Variants in PELI2 observed in about 807,000 individuals in gnomAD.
The protein encoded by PELI2 is E3 ubiquitin-protein ligase pellino homolog 2.
Under a neutral mutation model 42.3 loss-of-function variants are expected in PELI2, and 23 were observed. The observed-to-expected ratio is 0.54, with a 90% confidence interval of 0.39 to 0.77. The LOEUF (loss-of-function observed/expected upper bound fraction) is 0.77, where lower values mean the gene tolerates loss of function less well. Ranked by LOEUF, PELI2 falls within the 30% of genes least tolerant of loss-of-function variation. PELI2 has a pLI of 0.00. For missense variants in PELI2, 463 were observed against 553.2 expected, an observed-to-expected ratio of 0.84 and a Z score of 1.64; for synonymous variants, 245 against 212.2, an observed-to-expected ratio of 1.15 and a Z score of -1.34.
At chr14:56,196,697 A>G (rs1594629263) in intron 2 of PELI2, among the ~76,000 whole-genome samples, 1 of 152,228 alleles carries the variant, frequency 6.6e-6, no homozygotes, top group East Asian at 1.9e-4. Flanking sequence ...TTTTGCCGAT[A>G]TGGTGTGTTA....
chr14:56,297,451 T>A lies in PELI2; in HGVS notation c.*285T>A. On this transcript the variant is annotated 3_prime_UTR_variant, in exon 6 of 6. Transcript: ENST00000267460. Reference sequence around the variant, plus strand: ...CTATGCTTCTATTTTTAACCTTGGGTTTTTAACCAAGTTTTTTTTTTTTTG... The same window carrying A: ...CTATGCTTCTATTTTTAACCTTGGGATTTTAACCAAGTTTTTTTTTTTTTG... The A allele has an allele frequency of 6.7e-6, 2 of 298,520 alleles. No homozygotes were observed. The highest frequency in any genetic ancestry group is 6.0e-6 in the Non-Finnish European group (1 of 166,618). The allele number at this position is 298,520 out of a possible 1,614,324, so 18.5% of individuals were successfully genotyped here.
intron 2 of PELI2, among the ~76,000 whole-genome samples, chr14:56,268,143 A>G (rs1382942011): frequency 6.6e-6 from 1 of 152,220 alleles, no homozygotes; most frequent in Non-Finnish European, 1.5e-5. Context: ...GAAACAAGTT[A>G]TGTACCTTGT....
At chr14:56,170,961 G>T (rs536969698) in intron 1 of PELI2, among the ~76,000 whole-genome samples, 93 of 152,340 alleles carry the variant, frequency 6.1e-4, no homozygotes, top group South Asian at 2.1e-4. Flanking sequence ...TGCAGCAGCT[G>T]AAACAGGTGT....
At chr14:56,124,906 G>C (rs1448520158) in intron 1 of PELI2, among the ~76,000 whole-genome samples, 2 of 152,232 alleles carry the variant, frequency 1.3e-5, no homozygotes. Flanking sequence ...CATTGTGAGG[G>C]ATGATGATGG....
intron 1 of PELI2, among the ~76,000 whole-genome samples, chr14:56,161,575 G>A (rs1210780350): frequency 6.6e-6 from 1 of 152,118 alleles, no homozygotes; most frequent in East Asian, 1.9e-4. Context: ...GCCTGGCTGG[G>A]TCTTTCATAT....
intron 2 of PELI2, among the ~76,000 whole-genome samples, chr14:56,244,530 A>G (rs180676272): frequency 2.5e-4 from 38 of 152,290 alleles, no homozygotes; most frequent in African/African-American, 9.1e-4. Context: ...CTGATAATGA[A>G]CAAAAGGTTC....
intron 1 of PELI2, among the ~76,000 whole-genome samples, chr14:56,138,711 A>G (rs1309639434): frequency 6.6e-6 from 1 of 152,226 alleles, no homozygotes; most frequent in Non-Finnish European, 1.5e-5. Context: ...ATTCCATTTC[A>G]GACTATAACT....
In PELI2 at chr14:56,297,301, G is replaced by A. The variant is rs72720081; in HGVS notation, c.*135G>A. 0.014 allele frequency: 8,743 copies of A among 637,184 alleles called. 82 individuals carry two copies. Among genetic ancestry groups the A allele is most frequent in the Non-Finnish European group, 0.017 (6,297 of 364,228 alleles). 39.5% of individuals were successfully genotyped at this position (637,184 alleles called of 1,614,324 possible). A position where few individuals can be genotyped will look rare whatever the true frequency, so the allele number is the denominator to read the frequency against. On this transcript the variant is annotated 3_prime_UTR_variant, in exon 6 of 6. Transcript: ENST00000267460. Reference sequence around the variant, plus strand: ...GGCTGGAAATAAAGAGAGGGGACATGGTGATGAAACATGGCAGGAGTGTAA... The same window carrying A: ...GGCTGGAAATAAAGAGAGGGGACATAGTGATGAAACATGGCAGGAGTGTAA...
intron 1 of PELI2, among the ~76,000 whole-genome samples, chr14:56,139,520 C>T (rs2139600921): frequency 6.6e-6 from 1 of 151,966 alleles, no homozygotes; most frequent in African/African-American, 2.4e-5. Context: ...TTTACTTTTC[C>T]TTTTCATTCT....
intron 2 of PELI2, among the ~76,000 whole-genome samples, chr14:56,205,189 A>G (rs1886473905): frequency 6.6e-6 from 1 of 152,086 alleles, no homozygotes; most frequent in Admixed American, 6.5e-5. Flanking sequence ...TAGAACATGG[A>G]GCGCTGGAGA....
At chr14:56,257,898 G>A (rs933565169) in intron 2 of PELI2, among the ~76,000 whole-genome samples, 1 of 152,158 alleles carries the variant, frequency 6.6e-6, no homozygotes, top group African/African-American at 2.4e-5. Context: ...GAGATGAGGG[G>A]GCTTCATAGA....
intron 1 of PELI2, among the ~76,000 whole-genome samples, chr14:56,130,306 CTG>C (rs1883437974): frequency 6.6e-6 from 1 of 152,178 alleles, no homozygotes; most frequent in Non-Finnish European, 1.5e-5. Flanking sequence ...ATGCATGAAA[CTG>C]AGTCGTGATG....
chr14:56,144,525 A>G (rs1033476873), intron 1 of PELI2, among the ~76,000 whole-genome samples: 2 of 152,238 alleles, frequency 1.3e-5, no homozygotes, highest in African/African-American at 4.8e-5. Flanking sequence ...CTTTAATAAC[A>G]TCTACAAGAT....
intron 1 of PELI2, chr14:56,119,892 G>T: frequency 2.1e-6 from 2 of 973,244 alleles, no homozygotes; most frequent in Non-Finnish European, 2.4e-6. Context: ...GAGGAGTCAT[G>T]GCTGTGGGAA....
At chr14:56,192,868 A>G (rs111310242) in intron 2 of PELI2, among the ~76,000 whole-genome samples, 1 of 152,218 alleles carries the variant, frequency 6.6e-6, no homozygotes, top group African/African-American at 2.4e-5. Context: ...ATTATAGTAC[A>G]TCTTTTCTTC....
intron 2 of PELI2, among the ~76,000 whole-genome samples, chr14:56,256,322 G>C (rs138855960): frequency 6.5e-4 from 99 of 152,170 alleles, no homozygotes; most frequent in Non-Finnish European, 1.0e-3. Context: ...TGTAGTCCCA[G>C]CTACTCTGGA....
intron 2 of PELI2, among the ~76,000 whole-genome samples, chr14:56,247,525 G>C (rs556432613): frequency 6.6e-6 from 1 of 152,106 alleles, no homozygotes; most frequent in Non-Finnish European, 1.5e-5. Context: ...GTTACATTTG[G>C]CCTGTTTTTA....
intron 2 of PELI2, among the ~76,000 whole-genome samples, chr14:56,257,733 A>G (rs1241303986): frequency 6.6e-6 from 1 of 152,224 alleles, no homozygotes; most frequent in African/African-American, 2.4e-5. Context: ...GAGAAGGGAA[A>G]TAAGTGAGGT....
chr14:56,300,310 A>G lies in PELI2; in HGVS notation c.*3144A>G, dbSNP rs2139919889. On this transcript the variant is annotated 3_prime_UTR_variant, in exon 6 of 6. Transcript: ENST00000267460. ...GAGACTAATGAATCTGGATGCAGAA[A>G]TATGTCAGAAACTGGCATAAACATG... 1 of 152,782 alleles carries G rather than the reference A, an allele frequency of 6.5e-6. No individual in the cohort carries two copies. The highest frequency in any genetic ancestry group is 2.1e-4 in the South Asian group (1 of 4,828). The allele number at this position is 152,782 out of a possible 1,614,324, so 9.5% of individuals were successfully genotyped here. A position where few individuals can be genotyped will look rare whatever the true frequency, so the allele number is the denominator to read the frequency against.
Sources: allele counts gnomAD v4.1 joint callset (sites outside exome capture counted in the v4.1 genomes callset), GRCh38; gene constraint gnomAD v4.1.1; transcripts MANE v1.5; gene names NCBI Gene and HGNC (gene_info 2026-07-23, HGNC 2026-07-21).